The following TBPL2 variants were observed in gnomAD, a reference collection of about 807,000 sequenced individuals.
TBPL2 encodes TATA box-binding protein-like 2.
Under a neutral mutation model 38.2 loss-of-function variants are expected in TBPL2, and 40 were observed. The ratio of observed to expected loss-of-function variants is 1.05; its 90% CI spans 0.81 to 1.36. The LOEUF is 1.36. Among genes scored for constraint, TBPL2 ranks in the 40% most tolerant of loss-of-function variants. TBPL2 has a pLI of 0.00. For synonymous variants in TBPL2, 169 were observed against 171.7 expected (o/e 0.98, Z 0.12); for missense variants, 461 against 456.7 (o/e 1.01, Z -0.09).
intron 5 of TBPL2, among the ~76,000 whole-genome samples, chr14:55,427,571 A>T (rs1018162252): frequency 7.9e-5 from 12 of 152,138 alleles, no homozygotes; most frequent in South Asian, 2.1e-4. Flanking sequence ...GGCCAAGAGA[A>T]TTTAAGAGCA....
At chr14:55,440,519 C>G (rs754665617) in exon 1 of TBPL2, 1 of 1,609,858 alleles carries the variant, frequency 6.2e-7, no homozygotes, top group Non-Finnish European at 8.5e-7. Context: ...GCCTCGGAAC[C>G]CGCTCCGGCC....
rs957380493 is a variant in TBPL2 at position 55,424,158 on chromosome 14, C to T, written c.1051+1G>A. 5 of 1,608,244 alleles carry T rather than the reference C, an allele frequency of 3.1e-6. No homozygotes were observed. The highest frequency in any genetic ancestry group is 4.3e-6 in the Non-Finnish European group (5 of 1,175,242). On this transcript the variant is annotated splice_donor_variant, in intron 6 of 6. Coordinates refer to ENST00000247219, the Ensembl canonical transcript of TBPL2. LOFTEE classifies it high-confidence loss of function. ...AGTCAGAAAATAATCTTAGCACTTACCTGTCAACACAACTTTTCCAGATAC... is the reference window on the plus strand; with the variant it reads ...AGTCAGAAAATAATCTTAGCACTTATCTGTCAACACAACTTTTCCAGATAC...
At chr14:55,417,640 C>T (rs550648679) in intron 6 of TBPL2, among the ~76,000 whole-genome samples, 1 of 152,088 alleles carries the variant, frequency 6.6e-6, no homozygotes, top group South Asian at 2.1e-4. Flanking sequence ...TGTCTATTTT[C>T]AGTAGAGATG....
intron 3 of TBPL2, among the ~76,000 whole-genome samples, chr14:55,434,143 G>A (rs926351182): frequency 2.0e-5 from 3 of 151,924 alleles, no homozygotes; most frequent in African/African-American, 7.3e-5. Context: ...AGAATCTTTT[G>A]GGAAAAAAAT....
At chr14:55,422,837 A>G (rs1885765562) in intron 6 of TBPL2, among the ~76,000 whole-genome samples, 1 of 152,160 alleles carries the variant, frequency 6.6e-6, no homozygotes, top group Admixed American at 6.5e-5. Flanking sequence ...TGGGCAACAG[A>G]GTGAGACTCT....
chr14:55,415,432 A>C (rs1291895945), intron 6 of TBPL2, among the ~76,000 whole-genome samples: 1 of 152,246 alleles, frequency 6.6e-6, no homozygotes, highest in African/African-American at 2.4e-5. Context: ...TACATGACCC[A>C]ACAATTTCAC....
At chr14:55,414,718 T>C (rs1885643736) in intron 6 of TBPL2, among the ~76,000 whole-genome samples, 1 of 152,218 alleles carries the variant, frequency 6.6e-6, no homozygotes, top group Non-Finnish European at 1.5e-5. Flanking sequence ...AAATGTGGAA[T>C]GTTATCTCTA....
chr14:55,440,124 A>G (rs901294709), intron 1 of TBPL2, among the ~76,000 whole-genome samples: 7 of 151,592 alleles, frequency 4.6e-5, no homozygotes, highest in South Asian at 2.1e-4. Context: ...CAATCAATCA[A>G]TCAAAAACCA....
chr14:55,437,055 C>G, intron 1 of TBPL2, 37 bp from the exon 2 acceptor site: 1 of 1,558,308 alleles, frequency 6.4e-7, no homozygotes. Context: ...AAAAACACAA[C>G]AGACAGAACA....
chr14:55,436,020 TTA>T, intron 2 of TBPL2, 86 bp from the exon 3 acceptor site: 1 of 830,320 alleles, frequency 1.2e-6, no homozygotes, highest in Non-Finnish European at 1.8e-6. Context: ...ATTTCTTAGG[TTA>T]TACCTTAGCA....
At chr14:55,421,956 T>C (rs912826660) in intron 6 of TBPL2, among the ~76,000 whole-genome samples, 1 of 152,208 alleles carries the variant, frequency 6.6e-6, no homozygotes, top group African/African-American at 2.4e-5. Context: ...TATAAAATTC[T>C]AGTTTGGAGG....
At chr14:55,428,670 T>G in intron 5 of TBPL2, 137 bp downstream of exon 5, 1 of 931,376 alleles carries the variant, frequency 1.1e-6, no homozygotes, top group Non-Finnish European at 1.6e-6. Flanking sequence ...GCATAGCATC[T>G]TAATCTTTTC....
intron 5 of TBPL2, 116 bp downstream of exon 5, chr14:55,428,691 C>A (rs1885871965): frequency 9.0e-7 from 1 of 1,115,260 alleles, no homozygotes. Context: ...ACTATTGTGT[C>A]CCCCGCCTTT....
In TBPL2 at chr14:55,418,493, T is replaced by C. The variant is rs372108341; in HGVS notation, c.1052-4038A>G. 1.6e-4 allele frequency among the ~76,000 whole-genome samples: 24 copies of C among 152,308 alleles called. 1 individual carries two copies. Among genetic ancestry groups the C allele is most frequent in the African/African-American group, 5.5e-4 (23 of 41,570 alleles). Reference sequence around the variant, plus strand: ...GTTTGTAAAAATAGCATTGCACCGCTCAAGTTATTCATTTTATGACATATA... The same window carrying C: ...GTTTGTAAAAATAGCATTGCACCGCCCAAGTTATTCATTTTATGACATATA... On this transcript the variant is annotated intron_variant, in intron 6 of 6. Transcript: ENST00000247219.
chr14:55,422,473 A>G (rs1370762585), intron 6 of TBPL2, among the ~76,000 whole-genome samples: 1 of 151,152 alleles, frequency 6.6e-6, no homozygotes, highest in African/African-American at 2.4e-5. Flanking sequence ...CTCATCTTGA[A>G]CTCCTGACCT....
At chr14:55,428,825 G>A (rs1013199107) in exon 5 of TBPL2, 1 of 1,613,954 alleles carries the variant, frequency 6.2e-7, no homozygotes, top group African/African-American at 1.3e-5. Flanking sequence ...CTGCTGATGG[G>A]TTAGCACCAA....
At chr14:55,421,003 G>A (rs1002154016) in intron 6 of TBPL2, among the ~76,000 whole-genome samples, 8 of 149,352 alleles carry the variant, frequency 5.4e-5, no homozygotes, top group African/African-American at 2.0e-4. Context: ...GGAGGTTGCA[G>A]TGAGCCGAGA....
chr14:55,429,478 C>A (rs996115956), intron 4 of TBPL2, among the ~76,000 whole-genome samples: 11 of 152,162 alleles, frequency 7.2e-5, no homozygotes, highest in African/African-American at 2.7e-4. Flanking sequence ...TAGAAGAGAA[C>A]AATGGCTGGG....
intron 4 of TBPL2, among the ~76,000 whole-genome samples, chr14:55,430,010 G>A (rs1362614068): frequency 6.6e-6 from 1 of 151,990 alleles, no homozygotes; most frequent in African/African-American, 2.4e-5. Context: ...ACACAAGAAG[G>A]ACAGGAATTT....
Sources: gnomAD v4.1 joint callset for allele counts (sites outside exome capture counted in the v4.1 genomes callset) on GRCh38, gnomAD v4.1.1 for gene constraint, MANE v1.5 for transcripts, NCBI Gene and HGNC (gene_info 2026-07-23, HGNC 2026-07-21) for gene names.